Variants in PLD5 observed in about 807,000 individuals in gnomAD.
The protein encoded by PLD5 is inactive phospholipase D5.
Under a neutral mutation model 61.1 loss-of-function variants are expected in PLD5, and 36 were observed. That is an observed-to-expected ratio of 0.59 (90% CI 0.45 to 0.78). The LOEUF is 0.78. Among genes scored for constraint, PLD5 ranks in the 30% least tolerant of loss-of-function variants. PLD5 has a pLI of 0.00. For synonymous variants in PLD5, 243 were observed against 242.8 expected, an observed-to-expected ratio of 1.00 and a Z score of -0.01; for missense variants, 515 against 644.4, an observed-to-expected ratio of 0.80 and a Z score of 2.17.
At chr1:242,147,487 T>C (rs1213379123) in intron 5 of PLD5, 1 of 152,172 alleles carries the variant, frequency 6.6e-6, no homozygotes, top group Admixed American at 6.5e-5. Context: ...CATGTGCATA[T>C]TTTCGTGAGG....
intron 1 of PLD5, among the ~76,000 whole-genome samples, chr1:242,485,756 A>T (rs890104130): frequency 9.9e-5 from 15 of 152,236 alleles, no homozygotes; most frequent in African/African-American, 3.4e-4. Flanking sequence ...CGCATTGCCA[A>T]GTCAATCCTA....
intron 5 of PLD5, among the ~76,000 whole-genome samples, chr1:242,125,887 T>C (rs1017583599): frequency 2.0e-4 from 30 of 152,312 alleles, no homozygotes; most frequent in Non-Finnish European, 8.8e-5. Context: ...TCCAGCTTCA[T>C]GGTAACCACA....
chr1:242,519,206 G>C (rs115817843), intron 1 of PLD5, among the ~76,000 whole-genome samples: 2,273 of 152,264 alleles, frequency 0.015, 66 homozygotes, highest in African/African-American at 0.053. Flanking sequence ...TATTTTCATG[G>C]ATCTGCTCCG....
intron 1 of PLD5, among the ~76,000 whole-genome samples, chr1:242,437,472 G>A (rs576474912): frequency 2.6e-5 from 4 of 152,170 alleles, no homozygotes; most frequent in East Asian, 3.9e-4. Context: ...CGAGATGGGC[G>A]GATCACCTGA....
chr1:242,481,035 T>C (rs1452100807), intron 1 of PLD5, among the ~76,000 whole-genome samples: 1 of 152,192 alleles, frequency 6.6e-6, no homozygotes, highest in Non-Finnish European at 1.5e-5. Context: ...ATTTTTAACC[T>C]ATGAGAAATT....
intron 2 of PLD5, among the ~76,000 whole-genome samples, chr1:242,339,594 T>C (rs1394210241): frequency 6.6e-6 from 1 of 152,238 alleles, no homozygotes; most frequent in African/African-American, 2.4e-5. Context: ...TGATGGTGGC[T>C]GAGTCTCTTG....
intron 5 of PLD5, among the ~76,000 whole-genome samples, chr1:242,150,120 T>A (rs1664826382): frequency 6.6e-6 from 1 of 151,828 alleles, no homozygotes. Flanking sequence ...CAGATTTTTT[T>A]ATTGATTTCT....
intron 2 of PLD5, among the ~76,000 whole-genome samples, chr1:242,311,470 A>G (rs1676694189): frequency 6.6e-6 from 1 of 152,222 alleles, no homozygotes; most frequent in African/African-American, 2.4e-5. Context: ...CTGTAGGCCC[A>G]GGGACCACAC....
intron 4 of PLD5, among the ~76,000 whole-genome samples, chr1:242,237,159 A>G (rs1671690696): frequency 6.6e-6 from 1 of 152,122 alleles, no homozygotes; most frequent in African/African-American, 2.4e-5. Flanking sequence ...TCACCAAAGG[A>G]AAAAACAAAC....
chr1:242,477,525 T>C (rs565779586), intron 1 of PLD5, among the ~76,000 whole-genome samples: 1 of 152,310 alleles, frequency 6.6e-6, no homozygotes, highest in Admixed American at 6.5e-5. Flanking sequence ...ATGTTGGTAG[T>C]GCACTGAGCT....
At chr1:242,104,117 T>G (rs1035342267) in intron 8 of PLD5, among the ~76,000 whole-genome samples, 5 of 151,296 alleles carry the variant, frequency 3.3e-5, no homozygotes, top group African/African-American at 1.2e-4. Flanking sequence ...AGATGCAGTA[T>G]ATGATGTTTT....
chr1:242,201,444 T>C (rs1173894143), intron 5 of PLD5, among the ~76,000 whole-genome samples: 2 of 152,160 alleles, frequency 1.3e-5, no homozygotes, highest in Admixed American at 1.3e-4. Context: ...TTTGTTAATA[T>C]AGTTGTTAAA....
chr1:242,112,945 C>T (rs553701471), intron 7 of PLD5, among the ~76,000 whole-genome samples: 64 of 152,266 alleles, frequency 4.2e-4, no homozygotes, highest in African/African-American at 1.4e-3. Context: ...TAAATTCCAT[C>T]CCTGAATTTA....
At chr1:242,135,853 CAT>C (rs1663679112) in intron 5 of PLD5, among the ~76,000 whole-genome samples, 1 of 152,184 alleles carries the variant, frequency 6.6e-6, no homozygotes, top group African/African-American at 2.4e-5. Flanking sequence ...CATTAAAAAA[CAT>C]AACTTCCTCC....
intron 4 of PLD5, among the ~76,000 whole-genome samples, chr1:242,232,171 T>C (rs997823173): frequency 3.9e-5 from 6 of 152,008 alleles, no homozygotes; most frequent in Admixed American, 3.3e-4. Context: ...CACACACATA[T>C]CATAATATAA....
intron 6 of PLD5, among the ~76,000 whole-genome samples, chr1:242,121,727 G>A (rs1369627813): frequency 6.6e-6 from 1 of 152,028 alleles, no homozygotes; most frequent in African/African-American, 2.4e-5. Flanking sequence ...TTAAGAAAAT[G>A]TGACAGATAT....
At chr1:242,383,249 C>G (rs1662403422) in intron 1 of PLD5, among the ~76,000 whole-genome samples, 1 of 151,982 alleles carries the variant, frequency 6.6e-6, no homozygotes, top group African/African-American at 2.4e-5. Flanking sequence ...AATCAATGTA[C>G]ATTTTTATGG....
intron 1 of PLD5, among the ~76,000 whole-genome samples, chr1:242,409,859 C>T (rs1664450705): frequency 6.6e-6 from 1 of 152,196 alleles, no homozygotes; most frequent in Non-Finnish European, 1.5e-5. Context: ...CATGTGAAGG[C>T]AAAGGCAAGA....
At chr1:242,289,803 A>G (rs1364931363) in intron 2 of PLD5, among the ~76,000 whole-genome samples, 2 of 152,198 alleles carry the variant, frequency 1.3e-5, no homozygotes, top group African/African-American at 4.8e-5. Context: ...AGCTTTCAAC[A>G]AAGAATTCAG....
Sources: gnomAD v4.1 joint callset for allele counts (sites outside exome capture counted in the v4.1 genomes callset) on GRCh38, gnomAD v4.1.1 for gene constraint, MANE v1.5 for transcripts, NCBI Gene and HGNC (gene_info 2026-07-23, HGNC 2026-07-21) for gene names.